The following KCNQ3 variants were observed in gnomAD, a reference collection of about 807,000 sequenced individuals.
KCNQ3 encodes the protein potassium voltage-gated channel subfamily Q member 3.
In KCNQ3, 30 loss-of-function variants were observed where a neutral mutation model predicts 92.5. The observed-to-expected ratio is 0.32, with a 90% CI of 0.24 to 0.44. The LOEUF (loss-of-function observed/expected upper bound fraction) is 0.44, where lower values mean the gene tolerates loss of function less well. KCNQ3 is among the 20% of genes least tolerant of loss of function. The pLI, the probability that KCNQ3 is intolerant of heterozygous loss-of-function variation, is 1.00. For synonymous variants in KCNQ3, 450 were observed against 468.8 expected (o/e 0.96, Z 0.52); for missense variants, 913 against 1,140.3 (o/e 0.80, Z 2.87).
chr8:132,175,720 G>A (rs1826526713), intron 4 of KCNQ3, 112 bp from the exon 5 acceptor site: 1 of 949,856 alleles, frequency 1.1e-6, no homozygotes, highest in Non-Finnish European at 1.7e-6. Flanking sequence ...TGTGACTGTG[G>A]TCAAATCACT....
intron 1 of KCNQ3, among the ~76,000 whole-genome samples, chr8:132,470,273 T>G (rs1822268435): frequency 6.6e-6 from 1 of 152,246 alleles, no homozygotes; most frequent in South Asian, 2.1e-4. Context: ...GTATGCTTTG[T>G]GTGTTTGTGT....
At chr8:132,441,745 T>C (rs2130838424) in intron 1 of KCNQ3, among the ~76,000 whole-genome samples, 1 of 152,350 alleles carries the variant, frequency 6.6e-6, no homozygotes, top group South Asian at 2.1e-4. Flanking sequence ...ACCAGCAGTG[T>C]ATAAGCATTC....
At chr8:132,143,344 A>C (rs1302549136) in intron 9 of KCNQ3, among the ~76,000 whole-genome samples, 1 of 152,092 alleles carries the variant, frequency 6.6e-6, no homozygotes, top group African/African-American at 2.4e-5. Flanking sequence ...ACACACATTG[A>C]AGTCTTTCTG....
chr8:132,191,021 T>G (rs964943226), intron 1 of KCNQ3, among the ~76,000 whole-genome samples: 6 of 152,216 alleles, frequency 3.9e-5, no homozygotes, highest in East Asian at 1.9e-4. Flanking sequence ...TACAAACAAT[T>G]TCAGCGATTA....
At chr8:132,153,296 C>G (rs1170550049) in intron 9 of KCNQ3, among the ~76,000 whole-genome samples, 1 of 152,174 alleles carries the variant, frequency 6.6e-6, no homozygotes, top group African/African-American at 2.4e-5. Flanking sequence ...GAGAGAAAAC[C>G]AAAGCCAAGC....
intron 1 of KCNQ3, among the ~76,000 whole-genome samples, chr8:132,426,644 A>C (rs1227693334): frequency 6.6e-6 from 1 of 152,242 alleles, no homozygotes; most frequent in Non-Finnish European, 1.5e-5. Context: ...CAATGGAATG[A>C]TTAAAGCACC....
intron 1 of KCNQ3, among the ~76,000 whole-genome samples, chr8:132,272,648 T>A (rs1816186553): frequency 6.6e-6 from 1 of 152,158 alleles, no homozygotes; most frequent in Non-Finnish European, 1.5e-5. Context: ...AGAGAGCTTG[T>A]GCAGGGGAAC....
Position 132,297,249 on chromosome 8 carries a change from T to G in KCNQ3, c.387-111068A>C, listed in dbSNP as rs564553019. 1.1e-4 allele frequency among the ~76,000 whole-genome samples: 16 copies of G among 152,280 alleles called. No homozygotes were observed. The East Asian group carries it at 2.5e-3, about 24-fold the overall frequency. On this transcript the variant is annotated intron_variant, in intron 1 of 14. Coordinates refer to ENST00000388996, the MANE Select transcript of KCNQ3 (RefSeq NM_004519.4). ...TTTTTGATGGGGTTGTTTGTTTTTTTCTTGTAAATTTGTTTGAGTTCATTG... is the reference window on the plus strand; with the variant it reads ...TTTTTGATGGGGTTGTTTGTTTTTTGCTTGTAAATTTGTTTGAGTTCATTG...
intron 1 of KCNQ3, among the ~76,000 whole-genome samples, chr8:132,278,666 C>T (rs80354983): frequency 0.011 from 1,700 of 152,266 alleles, 40 homozygotes; most frequent in African/African-American, 0.039. Flanking sequence ...CATCAGCATC[C>T]CTGGAGGTGT....
rs7841361 is a variant in KCNQ3 at position 132,387,993 on chromosome 8, G to A, written c.386+92154C>T. Among the ~76,000 whole-genome samples the A allele has an allele frequency of 2.3e-4, 26 of 111,188 alleles. No homozygotes were observed. The East Asian group carries it at 3.1e-3, about 13-fold the overall frequency. 72.9% of individuals were successfully genotyped at this position (111,188 alleles called of 152,430 possible). The stretch of plus-strand genomic sequence containing the variant: ...AAGGAGGAGAAGAGGAAGAGGAAGA[G>A]GAAGAAGAAGAAGAGGAAGAGGAAG... On this transcript the variant is annotated intron_variant, in intron 1 of 14. Transcript: ENST00000388996.
intron 1 of KCNQ3, among the ~76,000 whole-genome samples, chr8:132,445,674 CA>C (rs1179277732): frequency 7.3e-6 from 1 of 136,830 alleles, no homozygotes; most frequent in East Asian, 2.6e-4. Flanking sequence ...CCACCCACCC[CA>C]AAAAAACACA....
intron 1 of KCNQ3, among the ~76,000 whole-genome samples, chr8:132,370,292 T>C (rs1819439030): frequency 6.6e-6 from 1 of 151,964 alleles, no homozygotes; most frequent in African/African-American, 2.4e-5. Context: ...AGGTGCTCAA[T>C]GCGTGCCTGC....
At chr8:132,274,288 T>C (rs1437087847) in intron 1 of KCNQ3, among the ~76,000 whole-genome samples, 1 of 152,136 alleles carries the variant, frequency 6.6e-6, no homozygotes, top group Non-Finnish European at 1.5e-5. Flanking sequence ...AGAGAGAGCT[T>C]ATGCATAGGA....
chr8:132,365,132 A>G, intron 1 of KCNQ3, among the ~76,000 whole-genome samples: 1 of 152,212 alleles, frequency 6.6e-6, no homozygotes, highest in Non-Finnish European at 1.5e-5. Context: ...TTTAATATTC[A>G]TTCCTTTTTA....
intron 1 of KCNQ3, among the ~76,000 whole-genome samples, chr8:132,219,349 A>G (rs1299348311): frequency 6.6e-6 from 1 of 151,950 alleles, no homozygotes; most frequent in Non-Finnish European, 1.5e-5. Flanking sequence ...GCTATAAGCA[A>G]CTCTTAACTC....
intron 1 of KCNQ3, among the ~76,000 whole-genome samples, chr8:132,448,502 G>GAAAAAAAAAGAAAAAAAAAA (rs1821741200): frequency 1.1e-5 from 1 of 93,884 alleles, no homozygotes; most frequent in Non-Finnish European, 2.1e-5. Flanking sequence ...GGAGAAATAT[G>GAAAAAAAAAGAAAAAAAAAA]AAAAAAAAAA....
intron 9 of KCNQ3, among the ~76,000 whole-genome samples, chr8:132,163,028 T>C (rs1826035635): frequency 1.3e-5 from 2 of 152,184 alleles, no homozygotes; most frequent in Admixed American, 1.3e-4. Flanking sequence ...CAACTTACCA[T>C]CTGTGAGCCC....
At chr8:132,188,869 A>G (rs1392401291) in intron 1 of KCNQ3, among the ~76,000 whole-genome samples, 1 of 152,254 alleles carries the variant, frequency 6.6e-6, no homozygotes, top group African/African-American at 2.4e-5. Context: ...AAGCTATGCT[A>G]CAGTTGACCA....
intron 1 of KCNQ3, among the ~76,000 whole-genome samples, chr8:132,406,614 A>G (rs1820488992): frequency 6.6e-6 from 1 of 151,990 alleles, no homozygotes; most frequent in South Asian, 2.1e-4. Context: ...ACAGACAAAT[A>G]TGCACAAACA....
Sources: allele counts gnomAD v4.1 joint callset (sites outside exome capture counted in the v4.1 genomes callset), GRCh38; gene constraint gnomAD v4.1.1; transcripts MANE v1.5; gene names NCBI Gene and HGNC (gene_info 2026-07-23, HGNC 2026-07-21).